Variants in ANKRD1 observed in about 807,000 individuals in gnomAD.
ANKRD1 encodes ankyrin repeat domain-containing protein 1.
ANKRD1 carries 32 observed loss-of-function variants against 40.1 expected under a neutral mutation model. The observed-to-expected ratio is 0.80, with a 90% confidence interval of 0.60 to 1.07. The LOEUF (loss-of-function observed/expected upper bound fraction) is 1.07, where lower values mean the gene tolerates loss of function less well. Ranked by LOEUF, ANKRD1 falls within the 50% of genes least tolerant of loss-of-function variation. ANKRD1 has a pLI of 0.00. For missense variants in ANKRD1, 359 were observed against 386.0 expected, an observed-to-expected ratio of 0.93 and a Z score of 0.59; for synonymous variants, 149 against 141.2, an observed-to-expected ratio of 1.06 and a Z score of -0.39.
chr10:90,918,912 C>A lies in ANKRD1; in HGVS notation c.406G>T (p.Val136Leu). ...KAALENKLPV[V>L]EKFLSDKNNP... is the part of the protein sequence containing the mutation. ...TTCTTGTCTGACAAGAATTTTTCTA[C>A]TACTGGCAGTTTATTCTCCAGAGCA... is the stretch of plus-strand genomic sequence containing the variant. The change falls in exon 4 of 9, where the codon GTA becomes TTA. Residue 136 changes from valine to leucine, a missense_variant. Transcript: ENST00000371697. 6.2e-7 allele frequency: 1 copy of A among 1,611,852 alleles called. No homozygotes were observed.
intron 8 of ANKRD1, 152 bp downstream of exon 8, chr10:90,915,391 G>C: frequency 2.7e-6 from 2 of 746,064 alleles, no homozygotes; most frequent in Non-Finnish European, 4.7e-6. Flanking sequence ...TCCTAGCCAA[G>C]ATAAACACTG....
intron 8 of ANKRD1, among the ~76,000 whole-genome samples, chr10:90,913,243 CAA>C (rs911068805): frequency 5.3e-5 from 8 of 152,226 alleles, no homozygotes; most frequent in African/African-American, 1.9e-4. Flanking sequence ...CACTATGTGT[CAA>C]GAGCACCTCA....
chr10:90,913,093 GT>G, intron 8 of ANKRD1, 117 bp from the exon 9 acceptor site: 2 of 953,244 alleles, frequency 2.1e-6, no homozygotes, highest in Non-Finnish European at 3.4e-6. Context: ...GTGTTTTATG[GT>G]TTCCACCAGG....
rs966139063 is a variant in ANKRD1 at position 90,918,723 on chromosome 10, T to C, written c.453+142A>G. 4 of 724,028 alleles carry C rather than the reference T, an allele frequency of 5.5e-6. No individual in the cohort carries two copies. In the Admixed American group the frequency reaches 6.0e-5, roughly 11 times the overall value. 44.9% of individuals were successfully genotyped at this position (724,028 alleles called of 1,614,324 possible). A position where few individuals can be genotyped will look rare whatever the true frequency, so the allele number is the denominator to read the frequency against. ...TTTTTGGACCACTGAACTCTCCTAT[T>C]AGGCTCCTGGCATACACAGCAACAG... On this transcript the variant is annotated intron_variant, in intron 4 of 8. Transcript: ENST00000371697.
At chr10:90,914,374 C>T (rs1171392053) in intron 8 of ANKRD1, among the ~76,000 whole-genome samples, 2 of 152,194 alleles carry the variant, frequency 1.3e-5, no homozygotes, top group African/African-American at 2.4e-5. Context: ...TGTGATTTTT[C>T]TGGCTACTTA....
chr10:90,917,476 G>A (rs1293177208), intron 5 of ANKRD1, among the ~76,000 whole-genome samples: 1 of 152,180 alleles, frequency 6.6e-6, no homozygotes, highest in Non-Finnish European at 1.5e-5. Context: ...CGCTGATGAG[G>A]ATATTGAATT....
At chr10:90,916,386 T>C (rs1460094163) in intron 5 of ANKRD1, 117 bp from the exon 6 acceptor site, 2 of 766,508 alleles carry the variant, frequency 2.6e-6, no homozygotes, top group East Asian at 5.2e-5. Flanking sequence ...TTGACAATTC[T>C]AACTGGAGTC....
chr10:90,920,034 G>T, intron 2 of ANKRD1, 135 bp downstream of exon 2: 3 of 1,164,516 alleles, frequency 2.6e-6, no homozygotes, highest in South Asian at 1.2e-5. Context: ...CATACAAGTT[G>T]CCTCTTTACG....
At position 90,920,855 on chromosome 10, in the gene ANKRD1, C is replaced by T. The variant is rs1013307202; in HGVS notation, c.27+146G>A. 9 of 727,450 alleles carry T rather than the reference C, an allele frequency of 1.2e-5. 1 individual carries two copies. The highest frequency in any genetic ancestry group is 3.6e-5 in the African/African-American group (2 of 55,648). 45.1% of individuals were successfully genotyped at this position (727,450 alleles called of 1,614,324 possible). A position where few individuals can be genotyped will look rare whatever the true frequency, so the allele number is the denominator to read the frequency against. The stretch of plus-strand genomic sequence containing the variant: ...GCTCCATTTTTTTTTTCCAATTTCA[C>T]TTGTTTCATCACATCAACCTTTTTC... On this transcript the variant is annotated intron_variant, in intron 1 of 8. Coordinates refer to ENST00000371697, the MANE Select transcript of ANKRD1 (RefSeq NM_014391.3).
intron 6 of ANKRD1, 105 bp downstream of exon 6, chr10:90,916,066 G>T (rs1484998177): frequency 1.8e-6 from 1 of 566,530 alleles, no homozygotes; most frequent in South Asian, 1.6e-5. Flanking sequence ...AAGGGCGGGT[G>T]GGGGAGAAGG....
rs1438658263 is a variant in ANKRD1, at chr10:90,915,961, A to C, written c.652-81T>G. ...AGACCCCAAGACATGTGCGAGGGGG[A>C]GAAGTGGTCACTAGGGTGCCTGCAC... On this transcript the variant is annotated intron_variant, in intron 6 of 8. Transcript: ENST00000371697. The C allele has an allele frequency of 2.1e-6, 3 of 1,397,618 alleles. No homozygotes were observed. The Admixed American group carries it at 5.8e-5, about 27-fold the overall frequency. The allele number at this position is 1,397,618 out of a possible 1,614,324, so 86.6% of individuals were successfully genotyped here. A position where few individuals can be genotyped will look rare whatever the true frequency, so the allele number is the denominator to read the frequency against.
chr10:90,914,303 T>G (rs1847346068), intron 8 of ANKRD1, among the ~76,000 whole-genome samples: 1 of 152,146 alleles, frequency 6.6e-6, no homozygotes, highest in Admixed American at 6.5e-5. Flanking sequence ...TAAGCCGTAT[T>G]TGTATATTTT....
chr10:90,916,312 G>A, intron 5 of ANKRD1, 43 bp from the exon 6 acceptor site: 3 of 1,469,364 alleles, frequency 2.0e-6, no homozygotes, highest in Non-Finnish European at 2.9e-6. Context: ...GGAGAATGTG[G>A]TCTGGGGAAT....
chr10:90,916,098 G>A, intron 6 of ANKRD1, 73 bp downstream of exon 6: 1 of 908,980 alleles, frequency 1.1e-6, no homozygotes, highest in East Asian at 3.7e-5. Flanking sequence ...GGGGAAGAGT[G>A]GGAGAAGTGG....
chr10:90,918,281 C>T (rs1253412208), intron 4 of ANKRD1, among the ~76,000 whole-genome samples: 4 of 152,166 alleles, frequency 2.6e-5, no homozygotes, highest in African/African-American at 7.2e-5. Context: ...AATTTCACTT[C>T]ATGGGGGAAA....
intron 6 of ANKRD1, 100 bp downstream of exon 6, chr10:90,916,071 A>C: frequency 2.5e-6 from 1 of 397,622 alleles, no homozygotes; most frequent in Non-Finnish European, 4.6e-6. Context: ...CGGGTGGGGG[A>C]GAAGGAGGAG....
chr10:90,917,963 AT>A (rs1187965589), intron 4 of ANKRD1, 133 bp from the exon 5 acceptor site: 16 of 712,796 alleles, frequency 2.2e-5, no homozygotes, highest in African/African-American at 3.6e-5. Context: ...ATGAATAGAA[AT>A]GTCAAAGTTA....
chr10:90,919,068 A>G, intron 3 of ANKRD1, 63 bp downstream of exon 3: 1 of 1,605,088 alleles, frequency 6.2e-7, no homozygotes, highest in Non-Finnish European at 8.5e-7. Flanking sequence ...CTCCACAGAT[A>G]TTTGCTCCCC....
intron 5 of ANKRD1, among the ~76,000 whole-genome samples, chr10:90,916,993 CT>C (rs1847380220): frequency 6.6e-6 from 1 of 152,140 alleles, no homozygotes; most frequent in East Asian, 1.9e-4. Flanking sequence ...TGGTATGCCC[CT>C]GGCCTTAATC....
Sources: gnomAD v4.1 joint callset for allele counts (sites outside exome capture counted in the v4.1 genomes callset) on GRCh38, gnomAD v4.1.1 for gene constraint, MANE v1.5 for transcripts, NCBI Gene and HGNC (gene_info 2026-07-23, HGNC 2026-07-21) for gene names.